CRISPLD2: variants seen among roughly 807,000 people sequenced by gnomAD.
The protein encoded by CRISPLD2 is cysteine rich secretory protein LCCL domain containing 2.
A neutral mutation model predicts 71.1 loss-of-function variants in CRISPLD2; 47 were observed. That is an observed-to-expected ratio of 0.66 (90% CI 0.52 to 0.84). The LOEUF is 0.84. CRISPLD2 is among the 40% of genes least tolerant of loss of function. CRISPLD2 has a pLI of 0.00. For synonymous variants in CRISPLD2, 317 were observed against 250.1 expected (o/e 1.27, Z -2.52); for missense variants, 830 against 651.1 (o/e 1.27, Z -2.99).
At chr16:84,896,353 T>C (rs936390226) in intron 14 of CRISPLD2, among the ~76,000 whole-genome samples, 3 of 151,730 alleles carry the variant, frequency 2.0e-5, no homozygotes, top group Non-Finnish European at 4.4e-5. Context: ...CCAGCCAGGA[T>C]TGGAATCCTT....
At chr16:84,870,584 T>C (rs1424243224) in intron 8 of CRISPLD2, among the ~76,000 whole-genome samples, 1 of 152,116 alleles carries the variant, frequency 6.6e-6, no homozygotes, top group Non-Finnish European at 1.5e-5. Context: ...CCCAAAGTGT[T>C]GGGATTACAG....
chr16:84,854,020 C>T (rs1222466414), intron 5 of CRISPLD2, among the ~76,000 whole-genome samples: 1 of 152,164 alleles, frequency 6.6e-6, no homozygotes, highest in Non-Finnish European at 1.5e-5. Flanking sequence ...TTTTCCTGCC[C>T]CTGGGAACTC....
chr16:84,882,488 G>A (rs1028028148), intron 13 of CRISPLD2, among the ~76,000 whole-genome samples: 4 of 151,678 alleles, frequency 2.6e-5, no homozygotes, highest in African/African-American at 7.3e-5. Context: ...TCGGCTCACT[G>A]CAACCTCCCA....
chr16:84,876,696 G>C (rs1014883081), intron 11 of CRISPLD2, among the ~76,000 whole-genome samples: 2 of 152,104 alleles, frequency 1.3e-5, no homozygotes, highest in African/African-American at 2.4e-5. Flanking sequence ...GGGAGGCTAA[G>C]GCAGGAGAAT....
At chr16:84,844,434 C>G (rs1465302480) in intron 2 of CRISPLD2, among the ~76,000 whole-genome samples, 1 of 152,178 alleles carries the variant, frequency 6.6e-6, no homozygotes. Flanking sequence ...CACTGTTGTG[C>G]AACCATCCCC....
chr16:84,884,406 T>C (rs2071594553), intron 13 of CRISPLD2, among the ~76,000 whole-genome samples: 3 of 152,222 alleles, frequency 2.0e-5, no homozygotes, highest in Admixed American at 1.3e-4. Context: ...TGTAAAGATA[T>C]GACCTGTGAC....
chr16:84,882,056 T>C (rs564164426), intron 13 of CRISPLD2, among the ~76,000 whole-genome samples: 3 of 152,188 alleles, frequency 2.0e-5, no homozygotes, highest in Non-Finnish European at 2.9e-5. Context: ...AGTAAAATAA[T>C]ATTGTCGATT....
chr16:84,890,979 C>T (rs1225530781), intron 14 of CRISPLD2, among the ~76,000 whole-genome samples: 3 of 152,152 alleles, frequency 2.0e-5, no homozygotes, highest in Admixed American at 2.0e-4. Flanking sequence ...GTTGGCCAGG[C>T]TGGTCTCCAA....
intron 6 of CRISPLD2, among the ~76,000 whole-genome samples, chr16:84,857,165 G>T (rs1917262485): frequency 6.6e-6 from 1 of 152,200 alleles, no homozygotes; most frequent in African/African-American, 2.4e-5. Flanking sequence ...GGTCAGCCTT[G>T]GTGGGTGGAG....
rs764630306 is a variant in CRISPLD2, at chr16:84,862,672, C to CTTTTT, written c.710-4207_710-4203dup. ...GCTGACCATGCTCGTGTGGCCCAGG[C>CTTTTT]TTTTTTTTTTTTTTTTTTTTTTAAC... On this transcript the variant is annotated intron_variant, in intron 6 of 14. Transcript: ENST00000262424. 3.8e-3 allele frequency among the ~76,000 whole-genome samples: 377 copies of CTTTTT among 99,176 alleles called. 4 individuals carry two copies. Among genetic ancestry groups the CTTTTT allele is most frequent in the Admixed American group, 5.9e-3 (48 of 8,198 alleles). 65.1% of individuals were successfully genotyped at this position (99,176 alleles called of 152,430 possible). A position where few individuals can be genotyped will look rare whatever the true frequency, so the allele number is the denominator to read the frequency against.
intron 3 of CRISPLD2, 100 bp downstream of exon 3, chr16:84,846,004 TGA>T (rs934733289): frequency 1.4e-6 from 1 of 702,998 alleles, no homozygotes; most frequent in African/African-American, 1.8e-5. Flanking sequence ...GCAAAGAGAG[TGA>T]GAGAGACCAC....
rs566883467 is a variant in CRISPLD2, at chr16:84,906,891, C to T, written c.*249C>T. 1.4e-5 allele frequency: 8 copies of T among 574,526 alleles called. No individual in the cohort carries two copies. Among genetic ancestry groups the T allele is most frequent in the East Asian group, 9.2e-5 (3 of 32,672 alleles). The allele number at this position is 574,526 out of a possible 1,614,324, so 35.6% of individuals were successfully genotyped here. A position where few individuals can be genotyped will look rare whatever the true frequency, so the allele number is the denominator to read the frequency against. The stretch of plus-strand genomic sequence containing the variant: ...TGGGGCCTGGGGGTCTCCATCTGGA[C>T]GTCCTCTCTCCTTTAGAGATCTGAG... On this transcript the variant is annotated 3_prime_UTR_variant, in exon 15 of 15. Transcript: ENST00000262424.
At position 84,838,442 on chromosome 16, in the gene CRISPLD2, C is replaced by A. The variant is rs1916679921; in HGVS notation, c.-54C>A. On this transcript the variant is annotated 5_prime_UTR_variant, in exon 2 of 15. Coordinates refer to ENST00000262424, the MANE Select transcript of CRISPLD2 (RefSeq NM_031476.4). The stretch of plus-strand genomic sequence containing the variant: ...TTCAGAGCTCAAGCGCCCAGCTCTG[C>A]CCGAGGAGCCCAGGCTGCCCCGTGA... 22 of 1,583,594 alleles carry A rather than the reference C, an allele frequency of 1.4e-5. No individual in the cohort carries two copies. The highest frequency in any genetic ancestry group is 1.9e-5 in the Non-Finnish European group (22 of 1,163,548).
chr16:84,844,939 G>A (rs574998277), intron 2 of CRISPLD2, among the ~76,000 whole-genome samples: 1 of 152,310 alleles, frequency 6.6e-6, no homozygotes, highest in East Asian at 1.9e-4. Flanking sequence ...GGACAGTGAG[G>A]CTCAGAGAGG....
At chr16:84,897,731 C>G (rs2071718743) in intron 14 of CRISPLD2, among the ~76,000 whole-genome samples, 1 of 152,182 alleles carries the variant, frequency 6.6e-6, no homozygotes. Flanking sequence ...ATTCTCATGC[C>G]TCAGCCTCCC....
intron 6 of CRISPLD2, among the ~76,000 whole-genome samples, chr16:84,863,445 G>A (rs1243383888): frequency 6.6e-6 from 1 of 152,268 alleles, no homozygotes; most frequent in East Asian, 1.9e-4. Context: ...GACCTCTAAC[G>A]GAGATGGAGC....
intron 14 of CRISPLD2, among the ~76,000 whole-genome samples, chr16:84,904,607 TAAAAAAAAAATTA>T (rs930198189): frequency 7.1e-5 from 10 of 139,964 alleles, no homozygotes; most frequent in South Asian, 2.2e-4. Flanking sequence ...AAAAAAAATT[TAAAAAAAAAATTA>T]AAAAAAAAAA....
At chr16:84,863,881 C>T (rs545894927) in intron 6 of CRISPLD2, among the ~76,000 whole-genome samples, 128 of 146,950 alleles carry the variant, frequency 8.7e-4, no homozygotes, top group Non-Finnish European at 1.4e-3. Context: ...CGCTTGAACC[C>T]GGGCGGCGGA....
chr16:84,879,143 C>G (rs1448259822), intron 12 of CRISPLD2, among the ~76,000 whole-genome samples: 1 of 152,208 alleles, frequency 6.6e-6, no homozygotes, highest in Non-Finnish European at 1.5e-5. Context: ...CCTCCACTGC[C>G]TCCGCACCAC....
Sources: allele counts gnomAD v4.1 joint callset (sites outside exome capture counted in the v4.1 genomes callset), GRCh38; gene constraint gnomAD v4.1.1; transcripts MANE v1.5; gene names NCBI Gene and HGNC (gene_info 2026-07-23, HGNC 2026-07-21).